Variants in CACNG8 observed in about 807,000 individuals in gnomAD.
CACNG8 encodes the protein voltage-dependent calcium channel gamma-8 subunit.
A neutral mutation model predicts 26.9 loss-of-function variants in CACNG8; 5 were observed. The observed-to-expected ratio is 0.19, with a 90% CI of 0.10 to 0.39. The LOEUF (loss-of-function observed/expected upper bound fraction) is 0.39. CACNG8 is among the 10% of genes least tolerant of loss of function. The probability of loss-of-function intolerance (pLI) is 1.00; values close to 1 mark genes in which losing one functional copy is unlikely to be tolerated. For synonymous variants in CACNG8, 321 were observed against 296.7 expected (o/e 1.08, Z -0.84); for missense variants, 473 against 609.4 (o/e 0.78, Z 2.36).
chr19:53,966,712 C>A (rs891852207), intron 1 of CACNG8, among the ~76,000 whole-genome samples: 2 of 152,162 alleles, frequency 1.3e-5, no homozygotes, highest in African/African-American at 4.8e-5. Context: ...TCTTATACAT[C>A]CCAGAAAGCA....
intron 1 of CACNG8, among the ~76,000 whole-genome samples, chr19:53,968,544 C>T (rs368272729): frequency 6.6e-5 from 10 of 151,300 alleles, no homozygotes; most frequent in Admixed American, 2.0e-4. Flanking sequence ...CTGAGACAGG[C>T]GGATCACGAG....
chr19:53,965,552 G>T (rs545759082), intron 1 of CACNG8, among the ~76,000 whole-genome samples: 53 of 152,042 alleles, frequency 3.5e-4, no homozygotes, highest in African/African-American at 1.3e-3. Flanking sequence ...ATCTAGTAGG[G>T]ATGTCATTCA....
At chr19:53,968,021 G>A (rs563519576) in intron 1 of CACNG8, among the ~76,000 whole-genome samples, 1 of 152,232 alleles carries the variant, frequency 6.6e-6, no homozygotes, top group Non-Finnish European at 1.5e-5. Context: ...CAGAGGCTGG[G>A]CTGGAGATAT....
intron 1 of CACNG8, among the ~76,000 whole-genome samples, chr19:53,964,006 C>G (rs1228078021): frequency 1.3e-5 from 2 of 151,852 alleles, no homozygotes; most frequent in African/African-American, 4.8e-5. Context: ...TCTCCTGTTG[C>G]CCAGGCTGGT....
chr19:53,964,428 G>A (rs2069261135), intron 1 of CACNG8, among the ~76,000 whole-genome samples: 1 of 151,668 alleles, frequency 6.6e-6, no homozygotes, highest in African/African-American at 2.4e-5. Flanking sequence ...CTCCCACCAG[G>A]GTGCCCTCCA....
At position 53,982,503 on chromosome 19, in the gene CACNG8, G is replaced by T; in HGVS notation, c.932G>T (p.Arg311Leu). The change falls in exon 4 of 4, where the codon CGC (arginine) becomes CTC (leucine). Residue 311 changes from arginine to leucine, a missense_variant. This residue lies in a region of CACNG8 where 212 missense variants were observed against 214.4 expected (regional missense o/e 0.99). Transcript: ENST00000270458. The surrounding 1 kb of genome is among the most constrained non-coding windows in gnomAD (Gnocchi z 8.4). Reference sequence around the variant, plus strand: ...GACATCTCCATGTACACGCTCAGCCGCGACCCCTCCAAGGGCAGCGTGGCC... The same window carrying T: ...GACATCTCCATGTACACGCTCAGCCTCGACCCCTCCAAGGGCAGCGTGGCC... The T allele has an allele frequency of 6.8e-7, 1 of 1,474,872 alleles. No individual in the cohort carries two copies. The highest frequency in any genetic ancestry group is 8.9e-7 in the Non-Finnish European group (1 of 1,121,686). The allele number at this position is 1,474,872 out of a possible 1,614,324, so 91.4% of individuals were successfully genotyped here.
chr19:53,966,801 G>T (rs576514689), intron 1 of CACNG8, among the ~76,000 whole-genome samples: 1 of 152,136 alleles, frequency 6.6e-6, no homozygotes, highest in Non-Finnish European at 1.5e-5. Flanking sequence ...ACATTTTTGC[G>T]GTATGTTTCT....
Position 53,987,886 on chromosome 19 carries a change from G to C in CACNG8, c.*5037G>C, listed in dbSNP as rs539829659. The C allele has an allele frequency of 3.9e-5, 6 of 152,124 alleles. No individual in the cohort carries two copies. The highest frequency in any genetic ancestry group is 8.8e-5 in the Non-Finnish European group (6 of 68,048). 9.4% of individuals were successfully genotyped at this position (152,124 alleles called of 1,614,324 possible). A position where few individuals can be genotyped will look rare whatever the true frequency, so the allele number is the denominator to read the frequency against. On this transcript the variant is annotated 3_prime_UTR_variant, in exon 4 of 4. Transcript: ENST00000270458. ...AACGTCAACATAAAGCCACAGGATTGGGTGACGTGGCCTAGCAGGGGGGTG... is the reference window on the plus strand; with the variant it reads ...AACGTCAACATAAAGCCACAGGATTCGGTGACGTGGCCTAGCAGGGGGGTG...
At chr19:53,964,044 C>T (rs1156245882) in intron 1 of CACNG8, among the ~76,000 whole-genome samples, 3 of 152,108 alleles carry the variant, frequency 2.0e-5, no homozygotes, top group Non-Finnish European at 4.4e-5. Flanking sequence ...AAGAGATCCT[C>T]CTGCCTTGGC....
Position 53,982,804 on chromosome 19 carries a change from C to G in CACNG8, c.1233C>G (p.Ala411=). The G allele has an allele frequency of 1.5e-6, 2 of 1,371,346 alleles. No homozygotes were observed. The highest frequency in any genetic ancestry group is 2.9e-5 in the South Asian group (2 of 67,804). The allele number at this position is 1,371,346 out of a possible 1,614,324, so 84.9% of individuals were successfully genotyped here. A position where few individuals can be genotyped will look rare whatever the true frequency, so the allele number is the denominator to read the frequency against. ...CCGGGACCCTGGCCAAGGAGGCCGCCGCCTCCAACACCAACACGCTCAACA... is the reference window on the plus strand; with the variant it reads ...CCGGGACCCTGGCCAAGGAGGCCGCGGCCTCCAACACCAACACGCTCAACA... Residue 411 remains alanine, a synonymous_variant, in exon 4 of 4, where the codon GCC becomes GCG. Transcript: ENST00000270458. The surrounding 1 kb of genome is among the most constrained non-coding windows in gnomAD (Gnocchi z 8.4).
rs1054780240 is a variant in CACNG8, at chr19:53,988,623, A to G, written c.*5774A>G. ...TCAAAAAAGAAAAAAGGTAAAAAAA[A>G]AAAAAAATGACCCTGAAAGGAAGTA... On this transcript the variant is annotated 3_prime_UTR_variant, in exon 4 of 4. Transcript: ENST00000270458. The G allele has an allele frequency of 6.6e-6, 1 of 151,822 alleles. No individual in the cohort carries two copies. The highest frequency in any genetic ancestry group is 2.4e-5 in the African/African-American group (1 of 41,334). The allele number at this position is 151,822 out of a possible 1,614,324, so 9.4% of individuals were successfully genotyped here.
intron 3 of CACNG8, 70 bp downstream of exon 3, chr19:53,980,077 TGTGTGTGTGCGC>T: frequency 3.5e-6 from 5 of 1,432,676 alleles, no homozygotes; most frequent in South Asian, 2.9e-5. Context: ...TGTGTGTGTG[TGTGTGTGTGCGC>T]GCGCGCGCGT....
In CACNG8 at chr19:53,986,352, G is replaced by T. The variant is rs945751226; in HGVS notation, c.*3503G>T. On this transcript the variant is annotated 3_prime_UTR_variant, in exon 4 of 4. Coordinates refer to ENST00000270458, the MANE Select transcript of CACNG8 (RefSeq NM_031895.6). ...CCCAATCTCGGCCAGGGGATGTGGTGGCAAATAGACGGACAAGGGCCTGCT... is the reference window on the plus strand; with the variant it reads ...CCCAATCTCGGCCAGGGGATGTGGTTGCAAATAGACGGACAAGGGCCTGCT... 2.0e-5 allele frequency: 3 copies of T among 152,284 alleles called. No homozygotes were observed. The highest frequency in any genetic ancestry group is 7.2e-5 in the African/African-American group (3 of 41,442). 9.4% of individuals were successfully genotyped at this position (152,284 alleles called of 1,614,324 possible).
Position 53,963,125 on chromosome 19 carries a change from C to T in CACNG8, c.-18C>T, listed in dbSNP as rs1174736008. The T allele has an allele frequency of 1.4e-6, 2 of 1,462,456 alleles. No individual in the cohort carries two copies. 90.6% of individuals were successfully genotyped at this position (1,462,456 alleles called of 1,614,324 possible). On this transcript the variant is annotated 5_prime_UTR_variant, in exon 1 of 4. Coordinates refer to ENST00000270458, the MANE Select transcript of CACNG8 (RefSeq NM_031895.6). Reference sequence around the variant, plus strand: ...GCCCCGGTGGTGGCCCACGGCCCCCCGGCTGCCCGTGGTCAAACTGGAGTC... The same window carrying T: ...GCCCCGGTGGTGGCCCACGGCCCCCTGGCTGCCCGTGGTCAAACTGGAGTC...
chr19:53,986,061 CAA>C lies in CACNG8; in HGVS notation c.*3214_*3215del, dbSNP rs2069405974. The C allele has an allele frequency of 6.6e-6, 1 of 151,968 alleles. No homozygotes were observed. The highest frequency in any genetic ancestry group is 2.1e-4 in the South Asian group (1 of 4,806). The allele number at this position is 151,968 out of a possible 1,614,324, so 9.4% of individuals were successfully genotyped here. A position where few individuals can be genotyped will look rare whatever the true frequency, so the allele number is the denominator to read the frequency against. ...GTAGAGTCACAGACAGAGAAAAAGT[CAA>C]AGACAGGAAGGTGATACAGAGGAGA... On this transcript the variant is annotated 3_prime_UTR_variant, in exon 4 of 4. Transcript: ENST00000270458.
In CACNG8 at chr19:53,988,912, G is replaced by A. The variant is rs1269024304; in HGVS notation, c.*6063G>A. ...GTAGACCCTGTCAAGACCTATTGAG[G>A]TGAAGGGGAAGAACACGTTTTCATC... On this transcript the variant is annotated 3_prime_UTR_variant, in exon 4 of 4. Transcript: ENST00000270458. The A allele has an allele frequency of 1.3e-5, 2 of 152,268 alleles. No individual in the cohort carries two copies. Among genetic ancestry groups the A allele is most frequent in the African/African-American group, 4.8e-5 (2 of 41,464 alleles). 9.4% of individuals were successfully genotyped at this position (152,268 alleles called of 1,614,324 possible).
chr19:53,973,661 T>C (rs140197755), intron 1 of CACNG8, among the ~76,000 whole-genome samples: 2,136 of 152,186 alleles, frequency 0.014, 45 homozygotes, highest in African/African-American at 0.049. Context: ...ACCCCGTCTC[T>C]ACTAAAAATA....
rs182369497 is a variant in CACNG8, at chr19:53,971,456, T to C, written c.284-6690T>C. Among the ~76,000 whole-genome samples, 153 of 152,312 alleles carry C rather than the reference T, an allele frequency of 1.0e-3. 1 individual carries two copies. Among genetic ancestry groups the C allele is most frequent in the Non-Finnish European group, 1.6e-3 (111 of 68,028 alleles). On this transcript the variant is annotated intron_variant, in intron 1 of 3. Transcript: ENST00000270458. ...GACACTCTCTCTCCCTTTTTCCCCA[T>C]CCTGAGTCTGAAACCCAGTAAATAT...
intron 1 of CACNG8, among the ~76,000 whole-genome samples, chr19:53,970,531 A>G (rs2069296353): frequency 6.6e-6 from 1 of 150,422 alleles, no homozygotes; most frequent in Non-Finnish European, 1.5e-5. Context: ...AGGCTGAGGC[A>G]GGAGAATCGC....
Sources: allele counts gnomAD v4.1 joint callset (sites outside exome capture counted in the v4.1 genomes callset), GRCh38; gene constraint gnomAD v4.1.1; regional missense constraint gnomAD v4.1.1; non-coding constraint Gnocchi (gnomAD v3.1); transcripts MANE v1.5; gene names NCBI Gene and HGNC (gene_info 2026-07-23, HGNC 2026-07-21).